The following SLC68A1 variants were observed in gnomAD, a reference collection of about 807,000 sequenced individuals.
The protein encoded by SLC68A1 is major facilitator superfamily domain containing 13A.
At chr10:102,468,082 C>A in the SLC68A1 span, among the ~76,000 whole-genome samples, 1 of 152,060 alleles carries the variant, frequency 6.6e-6, no homozygotes, top group African/African-American at 2.4e-5. Context: ...AGGGGTGGAG[C>A]CCTAGCCAGG....
At chr10:102,473,781 A>T in the SLC68A1 span, 15 of 1,606,450 alleles carry the variant, frequency 9.3e-6, no homozygotes, top group Non-Finnish European at 1.3e-5. Context: ...CCTCCATCCC[A>T]TGCCTTCATT....
At chr10:102,473,624 G>A in the SLC68A1 span, 21 of 1,614,012 alleles carry the variant, frequency 1.3e-5, no homozygotes, top group African/African-American at 8.0e-5. Flanking sequence ...TCCCTGTGCC[G>A]GCGCTGGGGC....
chr10:102,470,888 C>G, the SLC68A1 span: 1 of 1,613,168 alleles, frequency 6.2e-7, no homozygotes, highest in Non-Finnish European at 8.5e-7. Flanking sequence ...AGCCCACGAC[C>G]GCACCCACCT....
chr10:102,473,070 C>T, the SLC68A1 span: 2 of 797,436 alleles, frequency 2.5e-6, no homozygotes, highest in Admixed American at 2.1e-5. Flanking sequence ...CAGTGATCCA[C>T]CTGCCTCTGC....
chr10:102,476,040 CAGTTTTTTTT>C, the SLC68A1 span: 3 of 919,714 alleles, frequency 3.3e-6, no homozygotes, highest in African/African-American at 4.0e-5. Flanking sequence ...GGGAAGGAGC[CAGTTTTTTTT>C]GGTTTTTTTT....
the SLC68A1 span, chr10:102,468,959 G>A: frequency 1.5e-5 from 21 of 1,387,006 alleles, no homozygotes; most frequent in Non-Finnish European, 2.0e-5. Context: ...CCCCAGGGAC[G>A]AGGATGGGAA....
At chr10:102,475,820 C>T in the SLC68A1 span, 23 of 1,613,954 alleles carry the variant, frequency 1.4e-5, no homozygotes, top group Middle Eastern at 1.6e-4. Flanking sequence ...CCCGACGCTC[C>T]GCCAGGGCTG....
the SLC68A1 span, among the ~76,000 whole-genome samples, chr10:102,475,398 G>A: frequency 3.3e-5 from 5 of 152,202 alleles, no homozygotes; most frequent in Non-Finnish European, 5.9e-5. Context: ...GGCAGAGGCC[G>A]TGGAGACTTG....
chr10:102,468,544 G>A, the SLC68A1 span: 1 of 152,886 alleles, frequency 6.5e-6, no homozygotes, highest in Non-Finnish European at 1.5e-5. Context: ...GCGGGTGCCT[G>A]TGGTCCCAGC....
the SLC68A1 span, chr10:102,472,234 G>T: frequency 1.8e-5 from 5 of 281,442 alleles, no homozygotes; most frequent in South Asian, 3.0e-5. Flanking sequence ...GAAATAAACT[G>T]TTTTCATGTT....
At chr10:102,463,807 A>G in the SLC68A1 span, among the ~76,000 whole-genome samples, 1 of 152,170 alleles carries the variant, frequency 6.6e-6, no homozygotes, top group Non-Finnish European at 1.5e-5. Flanking sequence ...GATGATGGAT[A>G]TAAAAGCCAA....
At chr10:102,473,584 G>A in the SLC68A1 span, 43 of 1,609,094 alleles carry the variant, frequency 2.7e-5, no homozygotes, top group Non-Finnish European at 3.3e-5. Context: ...CTCCTATGTC[G>A]CTCCCCATCT....
the SLC68A1 span, chr10:102,470,685 C>T: frequency 6.2e-7 from 1 of 1,611,510 alleles, no homozygotes; most frequent in Non-Finnish European, 8.5e-7. Context: ...GGGCTCTCCT[C>T]AAGGGCTGTG....
the SLC68A1 span, chr10:102,473,868 A>G: frequency 1.2e-6 from 2 of 1,614,098 alleles, no homozygotes; most frequent in Non-Finnish European, 1.7e-6. Context: ...CTTGGTGGTC[A>G]CTGACCTGGT....
the SLC68A1 span, among the ~76,000 whole-genome samples, chr10:102,466,415 G>A: frequency 1.3e-5 from 2 of 150,426 alleles, no homozygotes; most frequent in South Asian, 2.1e-4. Flanking sequence ...CCTGGGAAGC[G>A]GAGGTTGCAG....
At chr10:102,463,752 T>G in the SLC68A1 span, among the ~76,000 whole-genome samples, 1 of 152,178 alleles carries the variant, frequency 6.6e-6, no homozygotes, top group Non-Finnish European at 1.5e-5. Context: ...GGTTTCTTCA[T>G]GTACAGAACG....
the SLC68A1 span, chr10:102,471,414 C>T: frequency 1.5e-5 from 24 of 1,604,804 alleles, no homozygotes; most frequent in East Asian, 4.5e-5. Context: ...GAGCAGCTCC[C>T]GGCCCCTCTA....
the SLC68A1 span, among the ~76,000 whole-genome samples, chr10:102,475,524 G>A: frequency 6.6e-6 from 1 of 152,098 alleles, no homozygotes; most frequent in African/African-American, 2.4e-5. Context: ...TTGAGGTTTT[G>A]GGCCTGAGTT....
At chr10:102,472,964 T>C in the SLC68A1 span, 115 of 1,594,844 alleles carry the variant, frequency 7.2e-5, no homozygotes, top group African/African-American at 1.2e-3. Context: ...AGTGTGGACC[T>C]TGGGTGCTTC....
Sources: allele counts gnomAD v4.1 joint callset (sites outside exome capture counted in the v4.1 genomes callset), GRCh38; gene constraint gnomAD v4.1.1; transcripts MANE v1.5; gene names NCBI Gene and HGNC (gene_info 2026-07-23, HGNC 2026-07-21).